The following VPS13A variants were observed in gnomAD, a reference collection of about 807,000 sequenced individuals.
VPS13A encodes vacuolar protein sorting 13 homolog A, also known as intermembrane lipid transfer protein VPS13A.
VPS13A carries 264 observed loss-of-function variants against 390.9 expected under a neutral mutation model. That is an observed-to-expected ratio of 0.68 (90% CI 0.61 to 0.75). The LOEUF is 0.75. Among genes scored for constraint, VPS13A ranks in the 30% least tolerant of loss-of-function variants. The probability of loss-of-function intolerance (pLI) is 0.00; values close to 1 mark genes in which losing one functional copy is unlikely to be tolerated. For missense variants in VPS13A, 3,409 were observed against 3,733.9 expected, an observed-to-expected ratio of 0.91 and a Z score of 2.27; for synonymous variants, 1,231 against 1,227.1, an observed-to-expected ratio of 1.00 and a Z score of -0.07.
intron 71 of VPS13A, among the ~76,000 whole-genome samples, chr9:77,412,436 C>T (rs1419400539): frequency 1.3e-5 from 2 of 152,134 alleles, no homozygotes; most frequent in Non-Finnish European, 2.9e-5. Flanking sequence ...AAGGCTGGTT[C>T]AACATATGCA....
intron 10 of VPS13A, among the ~76,000 whole-genome samples, chr9:77,216,825 T>A (rs924211477): frequency 1.3e-5 from 2 of 152,142 alleles, no homozygotes; most frequent in Non-Finnish European, 2.9e-5. Flanking sequence ...ATTTGGAGTT[T>A]GAGAAGAAGA....
Position 77,238,042 on chromosome 9 carries a change from C to A in VPS13A, c.1636C>A (p.Pro546Thr). Residue 546 changes from proline to threonine, a missense_variant, in exon 18 of 72, where the codon CCA (proline) becomes ACA (threonine). Physicochemically the swap from Pro to Thr is conservative, Grantham distance 38. Around this residue, in one of 5 missense-constraint regions of VPS13A, gnomAD observed 2,717 missense variants for 2,917.4 expected, o/e 0.93. Coordinates refer to ENST00000360280, the MANE Select transcript of VPS13A (RefSeq NM_033305.3). The part of the protein sequence containing the change: ...KIDSFHITGL[P>T]DNSEKPRLLS... ...AGATTCATTTCATATTACTGGCTTA[C>A]CAGATAATTCAGAAAAACCCCGCCT... 1.2e-6 allele frequency: 2 copies of A among 1,612,630 alleles called. No homozygotes were observed. Among genetic ancestry groups the A allele is most frequent in the South Asian group, 2.2e-5 (2 of 90,948 alleles).
rs930824912 is a variant in VPS13A, at chr9:77,275,526, A to G, written c.2541A>G (p.Pro847=). The G allele has an allele frequency of 1.8e-5, 29 of 1,613,696 alleles. No homozygotes were observed. The highest frequency in any genetic ancestry group is 1.3e-4 in the Admixed American group (8 of 59,990). Residue 847 remains proline, a synonymous_variant, in exon 25 of 72, where the codon CCA becomes CCG. Coordinates refer to ENST00000360280, the MANE Select transcript of VPS13A (RefSeq NM_033305.3). ...DDSEEEFFDA[P]CSPLEEPLQF... Reference sequence around the variant, plus strand: ...CAGAGGAGGAATTTTTTGATGCACCATGTAGTCCCTTGGAAGAACCTCTTC... The same window carrying G: ...CAGAGGAGGAATTTTTTGATGCACCGTGTAGTCCCTTGGAAGAACCTCTTC...
chr9:77,302,115 G>A (rs1587530755), intron 33 of VPS13A, among the ~76,000 whole-genome samples: 1 of 151,744 alleles, frequency 6.6e-6, no homozygotes, highest in Admixed American at 6.6e-5. Flanking sequence ...CCACCACCAC[G>A]CCTGGTTACT....
At chr9:77,212,591 C>G (rs1826030899) in intron 7 of VPS13A, among the ~76,000 whole-genome samples, 1 of 152,140 alleles carries the variant, frequency 6.6e-6, no homozygotes, top group African/African-American at 2.4e-5. Flanking sequence ...CCAACTCAGC[C>G]TTCCAAAGTG....
At chr9:77,205,491 A>T (rs1177882709) in intron 4 of VPS13A, 83 bp downstream of exon 4, 2 of 637,258 alleles carry the variant, frequency 3.1e-6, no homozygotes, top group African/African-American at 1.9e-5. Flanking sequence ...TACTTTTGGA[A>T]TTTTTTTGAG....
chr9:77,347,611 G>A (rs1831225632), intron 52 of VPS13A, among the ~76,000 whole-genome samples: 1 of 151,924 alleles, frequency 6.6e-6, no homozygotes, highest in South Asian at 2.1e-4. Context: ...CAAGTAGCTG[G>A]GTTTACAGGC....
intron 17 of VPS13A, among the ~76,000 whole-genome samples, chr9:77,235,455 T>C (rs1824090665): frequency 6.6e-6 from 1 of 152,222 alleles, no homozygotes; most frequent in Non-Finnish European, 1.5e-5. Flanking sequence ...TGCTTCTCTC[T>C]TGCTGCTTTC....
Position 77,227,286 on chromosome 9 carries a change from C to T in VPS13A, c.1358-105C>T, listed in dbSNP as rs541055486. 186 of 816,632 alleles carry T rather than the reference C, an allele frequency of 2.3e-4. No homozygotes were observed. The South Asian group carries it at 2.7e-3, about 12-fold the overall frequency. The allele number at this position is 816,632 out of a possible 1,614,324, so 50.6% of individuals were successfully genotyped here. On this transcript the variant is annotated intron_variant, in intron 15 of 71. Transcript: ENST00000360280. The stretch of plus-strand genomic sequence containing the variant: ...TTCAGTGTTTATAATTTCTTAAGAG[C>T]GTTCAAGAAAGTAAATTTCACATTC...
chr9:77,412,162 G>T (rs997290058), intron 71 of VPS13A, among the ~76,000 whole-genome samples: 22 of 152,096 alleles, frequency 1.4e-4, no homozygotes, highest in African/African-American at 5.3e-4. Context: ...TTCTACCAGA[G>T]GTATAAGGAG....
At chr9:77,256,534 T>G (rs563182361) in intron 22 of VPS13A, among the ~76,000 whole-genome samples, 84 of 152,282 alleles carry the variant, frequency 5.5e-4, no homozygotes, top group African/African-American at 1.9e-3. Context: ...GTCCCCTGTT[T>G]CCTTATTAAT....
intron 23 of VPS13A, among the ~76,000 whole-genome samples, chr9:77,272,461 T>C (rs973958286): frequency 6.6e-6 from 1 of 152,192 alleles, no homozygotes; most frequent in African/African-American, 2.4e-5. Context: ...ACCAACAGTA[T>C]AGTGGACAAA....
chr9:77,227,169 A>G (rs1045403646), intron 15 of VPS13A, among the ~76,000 whole-genome samples: 4 of 152,196 alleles, frequency 2.6e-5, no homozygotes, highest in African/African-American at 9.7e-5. Flanking sequence ...CTTGCTTAAT[A>G]CAAATATTAT....
In VPS13A at chr9:77,220,261, A is replaced by C. The variant is rs72742584; in HGVS notation, c.883-16A>C. On this transcript the variant is annotated splice_polypyrimidine_tract_variant and intron_variant, in intron 11 of 71. Coordinates refer to ENST00000360280, the MANE Select transcript of VPS13A (RefSeq NM_033305.3). ...AAATGTGATACATTTAAGAGCTTTA[A>C]TTTTCCATTCTTTAGTATTTCAGTA... 125,077 of 1,599,776 alleles carry C rather than the reference A, an allele frequency of 0.078. 5,621 individuals are homozygous for C. The highest frequency in any genetic ancestry group is 0.12 in the South Asian group (11,158 of 89,458).
At chr9:77,381,224 C>T (rs1260798427) in intron 67 of VPS13A, among the ~76,000 whole-genome samples, 1 of 152,128 alleles carries the variant, frequency 6.6e-6, no homozygotes, top group Non-Finnish European at 1.5e-5. Flanking sequence ...AAACTATCCT[C>T]CCACCTCAGC....
At chr9:77,305,902 C>T (rs972022407) in intron 34 of VPS13A, among the ~76,000 whole-genome samples, 3 of 152,186 alleles carry the variant, frequency 2.0e-5, no homozygotes, top group Non-Finnish European at 2.9e-5. Context: ...CCCCAGGATC[C>T]TTACAGTTCT....
intron 27 of VPS13A, among the ~76,000 whole-genome samples, chr9:77,281,563 C>T (rs139763005): frequency 3.0e-3 from 463 of 151,978 alleles, no homozygotes; most frequent in African/African-American, 0.011. Flanking sequence ...TGTTGATGAC[C>T]GAATGATTAT....
chr9:77,366,582 TCTA>T, intron 60 of VPS13A, 142 bp from the exon 61 acceptor site: 1 of 684,488 alleles, frequency 1.5e-6, no homozygotes, highest in Non-Finnish European at 2.4e-6. Context: ...TCTTCATATT[TCTA>T]CTTAGTGATT....
Position 77,293,341 on chromosome 9 carries a change from G to A in VPS13A, c.3340G>A (p.Ala1114Thr). The change falls in exon 32 of 72, where the codon GCT becomes ACT. Residue 1114 changes from alanine (A) to threonine (T), a missense_variant and splice_region_variant. By Grantham distance (58) the Ala-to-Thr change is moderately conservative (BLOSUM62 0). Coordinates refer to ENST00000360280, the MANE Select transcript of VPS13A (RefSeq NM_033305.3). ...DSDITAIYKKAVYITGKEVFS... is the reference protein window; with the variant it reads ...DSDITAIYKKTVYITGKEVFS... ...GATAATTAAATTTTCTCTTATTAAG[G>A]CTGTTTATATCACTGGAAAAGAAGT... 1 of 1,609,448 alleles carries A rather than the reference G, an allele frequency of 6.2e-7. No individual in the cohort carries two copies. The highest frequency in any genetic ancestry group is 8.5e-7 in the Non-Finnish European group (1 of 1,177,260).
Sources: gnomAD v4.1 joint callset for allele counts (sites outside exome capture counted in the v4.1 genomes callset) on GRCh38, gnomAD v4.1.1 for gene constraint, gnomAD v4.1.1 regional missense constraint, MANE v1.5 for transcripts, NCBI Gene and HGNC (gene_info 2026-07-23, HGNC 2026-07-21) for gene names.